The following SIRPA variants were observed in gnomAD, a reference collection of about 807,000 sequenced individuals.
SIRPA encodes tyrosine-protein phosphatase non-receptor type substrate 1.
A neutral mutation model predicts 50.3 loss-of-function variants in SIRPA; 9 were observed. The ratio of observed to expected loss-of-function variants is 0.18; its 90% CI spans 0.11 to 0.31. The LOEUF (loss-of-function observed/expected upper bound fraction) is 0.31. SIRPA is among the 10% of genes least tolerant of loss of function. The probability of loss-of-function intolerance (pLI) is 1.00; values close to 1 mark genes in which losing one functional copy is unlikely to be tolerated. For synonymous variants in SIRPA, 265 were observed against 284.1 expected (o/e 0.93, Z 0.68); for missense variants, 474 against 661.6 (o/e 0.72, Z 3.11).
intron 6 of SIRPA, among the ~76,000 whole-genome samples, chr20:1,931,331 G>A (rs1461932330): frequency 2.0e-5 from 3 of 152,116 alleles, no homozygotes; most frequent in Non-Finnish European, 2.9e-5. Context: ...CAGAGAAGTC[G>A]TGACATTCCC....
chr20:1,935,939 G>A (rs1012994869), intron 7 of SIRPA, among the ~76,000 whole-genome samples: 2 of 152,180 alleles, frequency 1.3e-5, no homozygotes, highest in Non-Finnish European at 2.9e-5. Context: ...GAGCACAGTC[G>A]TAGAGTCCAA....
At position 1,927,134 on chromosome 20, in the gene SIRPA, T is replaced by C. The variant is rs1323649526; in HGVS notation, c.1202-741T>C. 1.3e-5 allele frequency among the ~76,000 whole-genome samples: 2 copies of C among 152,252 alleles called. No individual in the cohort carries two copies. Among genetic ancestry groups the C allele is most frequent in the Non-Finnish European group, 2.9e-5 (2 of 68,050 alleles). On this transcript the variant is annotated intron_variant, in intron 5 of 7. Transcript: ENST00000358771. The surrounding 1 kb of genome is among the most constrained non-coding windows in gnomAD (Gnocchi z 6.5). Reference sequence around the variant, plus strand: ...GCAAGCGTTAACCCAGCAGCAAGAATTCTTGCACTGTGGCAGCCTCCAGCC... The same window carrying C: ...GCAAGCGTTAACCCAGCAGCAAGAACTCTTGCACTGTGGCAGCCTCCAGCC...
At position 1,915,089 on chromosome 20, in the gene SIRPA, TC is replaced by T; in HGVS notation, c.80-8del. ...GGATGAAAAAATGACTGCTTTGTGC[TC>T]CTTTCCAGGAGTGGCGGGTGAGGAG... is the stretch of plus-strand genomic sequence containing the variant. On this transcript the variant is annotated splice_polypyrimidine_tract_variant and intron_variant, in intron 1 of 7. Coordinates refer to ENST00000358771, the MANE Select transcript of SIRPA (RefSeq NM_001040023.2). 2 of 1,605,096 alleles carry T rather than the reference TC, an allele frequency of 1.2e-6. No individual in the cohort carries two copies. The highest frequency in any genetic ancestry group is 1.7e-6 in the Non-Finnish European group (2 of 1,173,326).
intron 6 of SIRPA, among the ~76,000 whole-genome samples, chr20:1,929,279 G>C (rs528484392): frequency 6.6e-6 from 1 of 152,056 alleles, no homozygotes; most frequent in African/African-American, 2.4e-5. Flanking sequence ...TGACCATAGC[G>C]GTACTGGTCC....
Position 1,927,728 on chromosome 20 carries a change from G to A in SIRPA, c.1202-147G>A, listed in dbSNP as rs541707368. On this transcript the variant is annotated intron_variant, in intron 5 of 7. Transcript: ENST00000358771. The surrounding 1 kb of genome is among the most constrained non-coding windows in gnomAD (Gnocchi z 6.5). ...GGTGGAAGAGGATGCCCACTGGGTGGGCATGGGGGTCTCCTGTGGTTCCAA... is the reference window on the plus strand; with the variant it reads ...GGTGGAAGAGGATGCCCACTGGGTGAGCATGGGGGTCTCCTGTGGTTCCAA... The A allele has an allele frequency of 7.3e-5, 53 of 728,686 alleles. No individual in the cohort carries two copies. The highest frequency in any genetic ancestry group is 5.2e-4 in the Admixed American group (27 of 51,680). The allele number at this position is 728,686 out of a possible 1,614,324, so 45.1% of individuals were successfully genotyped here.
intron 1 of SIRPA, among the ~76,000 whole-genome samples, chr20:1,902,927 G>A (rs544307515): frequency 2.7e-5 from 4 of 149,178 alleles, no homozygotes; most frequent in African/African-American, 1.0e-4. Context: ...CAGGAGAATC[G>A]CTTGACCCCA....
rs1248411434 is a variant in SIRPA, at chr20:1,932,400, A to C, written c.1227-2315A>C. Among the ~76,000 whole-genome samples, 2 of 152,156 alleles carry C rather than the reference A, an allele frequency of 1.3e-5. No homozygotes were observed. Among genetic ancestry groups the C allele is most frequent in the Non-Finnish European group, 2.9e-5 (2 of 68,032 alleles). On this transcript the variant is annotated intron_variant, in intron 6 of 7. Transcript: ENST00000358771. The surrounding 1 kb of genome is among the most constrained non-coding windows in gnomAD (Gnocchi z 6.0). ...CAGCCAAGGGAATATCTGGGACAAG[A>C]CTGCACCAATCAAAGGGAACAGCCA... is the stretch of plus-strand genomic sequence containing the variant.
intron 2 of SIRPA, among the ~76,000 whole-genome samples, chr20:1,920,752 G>C (rs1985599050): frequency 6.6e-6 from 1 of 152,188 alleles, no homozygotes; most frequent in Non-Finnish European, 1.5e-5. Context: ...AGAGAGCTTT[G>C]GATATGAATA....
In SIRPA at chr20:1,932,463, C is replaced by T. The variant is rs1986346791; in HGVS notation, c.1227-2252C>T. On this transcript the variant is annotated intron_variant, in intron 6 of 7. Transcript: ENST00000358771. This position sits in a 1 kb window ranked among gnomAD's most constrained non-coding sequence, Gnocchi z 6.0. ...TGAGACGGGAGCAGTCAGATGCATG[C>T]ACAGAACGCAGAGGAGGCCAGAGGA... Among the ~76,000 whole-genome samples, 1 of 152,176 alleles carries T rather than the reference C, an allele frequency of 6.6e-6. No homozygotes were observed. The highest frequency in any genetic ancestry group is 1.5e-5 in the Non-Finnish European group (1 of 68,038).
chr20:1,900,960 C>T (rs1370002521), intron 1 of SIRPA, among the ~76,000 whole-genome samples: 1 of 152,090 alleles, frequency 6.6e-6, no homozygotes, highest in African/African-American at 2.4e-5. Flanking sequence ...AGCAGCTTGC[C>T]CAAGGCCACA....
At chr20:1,908,647 T>C (rs1051690010) in intron 1 of SIRPA, among the ~76,000 whole-genome samples, 1 of 152,174 alleles carries the variant, frequency 6.6e-6, no homozygotes, top group Admixed American at 6.5e-5. Flanking sequence ...CACGCATACA[T>C]GTATGTACAC....
At chr20:1,897,187 C>A (rs1983884105) in intron 1 of SIRPA, among the ~76,000 whole-genome samples, 1 of 152,332 alleles carries the variant, frequency 6.6e-6, no homozygotes, top group East Asian at 1.9e-4. Context: ...CACATCTCCC[C>A]CTTTTGCCTA....
chr20:1,896,530 T>C (rs1983837542), intron 1 of SIRPA, among the ~76,000 whole-genome samples: 1 of 152,114 alleles, frequency 6.6e-6, no homozygotes, highest in Non-Finnish European at 1.5e-5. Flanking sequence ...TTTTGTCGTC[T>C]TGAAACTGTG....
chr20:1,899,145 A>G (rs1984008694), intron 1 of SIRPA, among the ~76,000 whole-genome samples: 1 of 151,780 alleles, frequency 6.6e-6, no homozygotes, highest in African/African-American at 2.4e-5. Context: ...TGGCCTGTCA[A>G]CACAACTCAG....
chr20:1,913,958 G>A (rs1985062925), intron 1 of SIRPA, among the ~76,000 whole-genome samples: 1 of 152,230 alleles, frequency 6.6e-6, no homozygotes, highest in East Asian at 1.9e-4. Flanking sequence ...GGCTCCTGCA[G>A]CCAACCTCTA....
intron 1 of SIRPA, among the ~76,000 whole-genome samples, chr20:1,906,496 G>C (rs768515808): frequency 6.6e-5 from 10 of 152,208 alleles, no homozygotes; most frequent in Non-Finnish European, 1.2e-4. Context: ...TGAAGGAGAG[G>C]AGCGAGCCAG....
chr20:1,907,516 C>T (rs993586117), intron 1 of SIRPA, among the ~76,000 whole-genome samples: 1 of 152,228 alleles, frequency 6.6e-6, no homozygotes, highest in Non-Finnish European at 1.5e-5. Flanking sequence ...ATGTGGTTCC[C>T]TCCTCTTGGA....
At position 1,937,587 on chromosome 20, in the gene SIRPA, C is replaced by CT. The variant is rs1555774507; in HGVS notation, c.*20dup. On this transcript the variant is annotated 3_prime_UTR_variant, in exon 8 of 8. Coordinates refer to ENST00000358771, the MANE Select transcript of SIRPA (RefSeq NM_001040023.2). This position sits in a 1 kb window ranked among gnomAD's most constrained non-coding sequence, Gnocchi z 8.3. ...GAAGTGAATGGGACCGTGGTTTGCT[C>CT]TAGCACCCATCTCTACGCGCTTTCT... 1.9e-6 allele frequency: 3 copies of CT among 1,611,096 alleles called. No homozygotes were observed. Among genetic ancestry groups the CT allele is most frequent in the African/African-American group, 2.7e-5 (2 of 74,846 alleles).
At chr20:1,915,794 C>T (rs1985246786) in intron 2 of SIRPA, among the ~76,000 whole-genome samples, 1 of 152,244 alleles carries the variant, frequency 6.6e-6, no homozygotes, top group Admixed American at 6.5e-5. Context: ...TCACCTGCTG[C>T]CTCCAGAGAG....
Sources: gnomAD v4.1 joint callset for allele counts (sites outside exome capture counted in the v4.1 genomes callset) on GRCh38, gnomAD v4.1.1 for gene constraint, Gnocchi (gnomAD v3.1) non-coding constraint, MANE v1.5 for transcripts, NCBI Gene and HGNC (gene_info 2026-07-23, HGNC 2026-07-21) for gene names.